The following DGKZ variants were observed in gnomAD, a reference collection of about 807,000 sequenced individuals.
The protein encoded by DGKZ is DAG kinase zeta.
A neutral mutation model predicts 142.5 loss-of-function variants in DGKZ; 45 were observed. The ratio of observed to expected loss-of-function variants is 0.32; its 90% confidence interval spans 0.25 to 0.40. The LOEUF (loss-of-function observed/expected upper bound fraction) is 0.40, where lower values mean the gene tolerates loss of function less well. Among genes scored for constraint, DGKZ ranks in the 10% least tolerant of loss-of-function variants. The pLI is 1.00. For missense variants in DGKZ, 755 were observed against 1,306.5 expected (o/e 0.58, Z 6.51); for synonymous variants, 442 against 527.0 (o/e 0.84, Z 2.21).
intron 14 of DGKZ, among the ~76,000 whole-genome samples, chr11:46,373,684 G>C (rs1299891193): frequency 6.6e-6 from 1 of 152,096 alleles, no homozygotes; most frequent in African/African-American, 2.4e-5. Flanking sequence ...TTTTAGTAGA[G>C]ATGGGGTCTC....
intron 1 of DGKZ, chr11:46,366,426 A>G: frequency 6.5e-7 from 1 of 1,542,038 alleles, no homozygotes; most frequent in Non-Finnish European, 8.7e-7. Flanking sequence ...GCCCAGCTCC[A>G]GGGCTGCCTC....
In DGKZ at chr11:46,373,285, G is replaced by GTT. The variant is rs961769830; in HGVS notation, c.1326+202_1326+203dup. Among the ~76,000 whole-genome samples, 359 of 115,354 alleles carry GTT rather than the reference G, an allele frequency of 3.1e-3. 1 individual carries two copies. Among genetic ancestry groups the GTT allele is most frequent in the African/African-American group, 3.9e-3 (113 of 28,802 alleles). The allele number at this position is 115,354 out of a possible 152,430, so 75.7% of individuals were successfully genotyped here. A position where few individuals can be genotyped will look rare whatever the true frequency, so the allele number is the denominator to read the frequency against. On this transcript the variant is annotated intron_variant, in intron 14 of 30. Coordinates refer to ENST00000527911, the Ensembl canonical transcript of DGKZ. ...GCTGTTTTTTCTGTGTTTTTTTTTT[G>GTT]TTTTTTTTTTTTTTTTTTTGAGACT... is the stretch of plus-strand genomic sequence containing the variant.
intron 1 of DGKZ, among the ~76,000 whole-genome samples, chr11:46,363,278 G>A (rs1942879518): frequency 6.6e-6 from 1 of 152,212 alleles, no homozygotes; most frequent in Non-Finnish European, 1.5e-5. Flanking sequence ...AGGAAACTCA[G>A]GCCTGCGGGG....
chr11:46,378,489 G>A lies in DGKZ; in HGVS notation c.2407G>A (p.Asp803Asn), dbSNP rs1422425618. 1.2e-5 allele frequency: 19 copies of A among 1,608,810 alleles called. No individual in the cohort carries two copies. The highest frequency in any genetic ancestry group is 1.7e-5 in the Admixed American group (1 of 59,830). The change falls in exon 27 of 31, where the codon GAC becomes AAC. Residue 803 changes from aspartate (D) to asparagine (N), a missense_variant. By Grantham distance (23) the Asp-to-Asn change is conservative. Transcript: ENST00000527911. ...GCTGATTGAGGCTGCCAAGAGGAAC[G>A]ACTTCTGTAAGGTACTAGCTCCAGG...
At chr11:46,334,122 G>C (rs1939896337) in intron 1 of DGKZ, among the ~76,000 whole-genome samples, 1 of 152,092 alleles carries the variant, frequency 6.6e-6, no homozygotes, top group African/African-American at 2.4e-5. Flanking sequence ...GAGGGTCCTG[G>C]AGGAGCCAGC....
intron 1 of DGKZ, among the ~76,000 whole-genome samples, chr11:46,337,510 G>C (rs1590369292): frequency 6.6e-6 from 1 of 151,950 alleles, no homozygotes; most frequent in East Asian, 1.9e-4. Flanking sequence ...TGGCCAGGCT[G>C]TTCTCAAACT....
rs2136466459 is a variant in DGKZ, at chr11:46,367,971, G to A, written c.367-31G>A. 6.2e-7 allele frequency: 1 copy of A among 1,612,268 alleles called. No individual in the cohort carries two copies. The highest frequency in any genetic ancestry group is 2.2e-5 in the East Asian group (1 of 44,874). On this transcript the variant is annotated intron_variant, in intron 3 of 30. Transcript: ENST00000527911. This position sits in a 1 kb window ranked among gnomAD's most constrained non-coding sequence, Gnocchi z 4.1. ...AGCCTCCGAGATAGACTTACCTGGT[G>A]CCTCAGGGGCCCTCTCTTCCTGTCC...
At chr11:46,345,507 G>A (rs1034656550), upstream of DGKZ, 23 of 1,517,086 alleles carry the variant, frequency 1.5e-5, no homozygotes, top group Admixed American at 2.3e-5. The surrounding 1 kb of genome is among the most constrained non-coding windows in gnomAD (Gnocchi z 4.1). Context: ...GAAGGGGAGC[G>A]GCCGGGGTCA....
chr11:46,340,254 A>T (rs1940211472), intron 1 of DGKZ, among the ~76,000 whole-genome samples: 1 of 152,174 alleles, frequency 6.6e-6, no homozygotes. Context: ...TGGGTGTGGT[A>T]ATAGGATAGG....
At chr11:46,338,052 T>A (rs189301196) in intron 1 of DGKZ, among the ~76,000 whole-genome samples, 1 of 152,340 alleles carries the variant, frequency 6.6e-6, no homozygotes, top group Non-Finnish European at 1.5e-5. Flanking sequence ...GACTCTGCCA[T>A]TGTGGTGCAA....
In DGKZ at chr11:46,347,913, C is replaced by A; in HGVS notation, c.161+93C>A. 1 of 1,255,814 alleles carries A rather than the reference C, an allele frequency of 8.0e-7. No homozygotes were observed. The highest frequency in any genetic ancestry group is 2.7e-5 in the South Asian group (1 of 37,664). 77.8% of individuals were successfully genotyped at this position (1,255,814 alleles called of 1,614,324 possible). A position where few individuals can be genotyped will look rare whatever the true frequency, so the allele number is the denominator to read the frequency against. ...TTCCTCGGCCACTGGGGGTCCGGGC[C>A]ACTTCGGTACTGACACTGAGTCGGG... On this transcript the variant is annotated intron_variant, in intron 1 of 30. Coordinates refer to ENST00000527911, the Ensembl canonical transcript of DGKZ. This position sits in a 1 kb window ranked among gnomAD's most constrained non-coding sequence, Gnocchi z 6.4.
chr11:46,371,831 T>C, intron 9 of DGKZ, 56 bp downstream of exon 9: 1 of 1,570,980 alleles, frequency 6.4e-7, no homozygotes, highest in Non-Finnish European at 8.7e-7. Context: ...GGTCTGTTGC[T>C]CAGGGTACAG....
chr11:46,335,803 GCCCAGGGGAC>G (rs1939986282), intron 1 of DGKZ, among the ~76,000 whole-genome samples: 1 of 152,210 alleles, frequency 6.6e-6, no homozygotes, highest in Non-Finnish European at 1.5e-5. Flanking sequence ...GCTCTTCCAG[GCCCAGGGGAC>G]CCCAGGGGAA....
chr11:46,365,951 AC>A, intron 1 of DGKZ: 1 of 985,188 alleles, frequency 1.0e-6, no homozygotes, highest in African/African-American at 1.7e-5. Context: ...TGAAGCACCC[AC>A]CTCCCTGGGA....
rs1943422307 is a variant in DGKZ at position 46,367,319 on chromosome 11, C to G, written c.190C>G (p.His64Asp). The change falls in exon 2 of 31, where the codon CAC becomes GAC. Residue 64 changes from histidine to aspartate, a missense_variant. His to Asp is a moderately conservative substitution (Grantham distance 81, BLOSUM62 -1). Coordinates refer to ENST00000527911, the Ensembl canonical transcript of DGKZ. This position sits in a 1 kb window ranked among gnomAD's most constrained non-coding sequence, Gnocchi z 4.1. ...AGCCATCACCAAGTCGGGCCTCCAG[C>G]ACCTGGCCCCCCCTCCGCCCACCCC... 1 of 1,612,534 alleles carries G rather than the reference C, an allele frequency of 6.2e-7. No homozygotes were observed. The highest frequency in any genetic ancestry group is 8.5e-7 in the Non-Finnish European group (1 of 1,179,968).
At chr11:46,339,309 A>C in intron 1 of DGKZ, among the ~76,000 whole-genome samples, 1 of 152,272 alleles carries the variant, frequency 6.6e-6, no homozygotes, top group East Asian at 1.9e-4. Context: ...AGGAGCTGCC[A>C]GAGATCACAT....
intron 1 of DGKZ, among the ~76,000 whole-genome samples, chr11:46,349,437 CAGGTTTGTGGGTATAGGGATG>C (rs1941092636): frequency 1.3e-5 from 2 of 152,106 alleles, no homozygotes; most frequent in Admixed American, 1.3e-4. Flanking sequence ...CTGAAGGGCA[CAGGTTTGTGGGTATAGGGATG>C]AGCACATTCG....
upstream of DGKZ, among the ~76,000 whole-genome samples, chr11:46,344,802 T>G (rs1235960337): frequency 6.6e-6 from 1 of 152,156 alleles, no homozygotes; most frequent in Non-Finnish European, 1.5e-5. Flanking sequence ...AAAATCTCCC[T>G]GGCACATGTA....
intron 1 of DGKZ, chr11:46,366,507 C>T (rs1226933939): frequency 1.3e-6 from 2 of 1,587,438 alleles, no homozygotes; most frequent in Non-Finnish European, 1.7e-6. Flanking sequence ...TCCTGCAACC[C>T]CCGCTTCATC....
Sources: gnomAD v4.1 joint callset for allele counts (sites outside exome capture counted in the v4.1 genomes callset) on GRCh38, gnomAD v4.1.1 for gene constraint, Gnocchi (gnomAD v3.1) non-coding constraint, MANE v1.5 for transcripts, NCBI Gene and HGNC (gene_info 2026-07-23, HGNC 2026-07-21) for gene names.